The following ODAD2 variants were observed in gnomAD, a reference collection of about 807,000 sequenced individuals.
ODAD2 encodes the protein outer dynein arm docking complex subunit 2.
Under a neutral mutation model 106.8 loss-of-function variants are expected in ODAD2, and 89 were observed. The ratio of observed to expected loss-of-function variants is 0.83; its 90% CI spans 0.70 to 0.99. The LOEUF (loss-of-function observed/expected upper bound fraction) is 0.99. Among genes scored for constraint, ODAD2 ranks in the 50% least tolerant of loss-of-function variants. ODAD2 has a pLI of 0.00. For missense variants in ODAD2, 1,168 were observed against 1,238.5 expected (o/e 0.94, Z 0.85); for synonymous variants, 404 against 436.2 (o/e 0.93, Z 0.92).
At chr10:27,962,742 C>T (rs1174254402) in intron 9 of ODAD2, among the ~76,000 whole-genome samples, 2 of 152,110 alleles carry the variant, frequency 1.3e-5, no homozygotes, top group African/African-American at 4.8e-5. Flanking sequence ...CATGCACACG[C>T]ACACTCATCA....
intron 17 of ODAD2, among the ~76,000 whole-genome samples, chr10:27,878,543 A>C (rs889039346): frequency 6.6e-6 from 1 of 152,184 alleles, no homozygotes; most frequent in African/African-American, 2.4e-5. Flanking sequence ...AAAAATTTTT[A>C]ACCAGAAGAG....
At position 27,935,000 on chromosome 10, in the gene ODAD2, G is replaced by A. The variant is rs1156684222; in HGVS notation, c.2495+10C>T. On this transcript the variant is annotated intron_variant, in intron 16 of 19. Transcript: ENST00000305242. ...TTATATAAAATCTTTCCATCTCCAG[G>A]GCCACTTACATCATACTTTCAGGTT... is the stretch of plus-strand genomic sequence containing the variant. The A allele has an allele frequency of 1.2e-6, 2 of 1,613,472 alleles. No homozygotes were observed. The highest frequency in any genetic ancestry group is 2.2e-5 in the East Asian group (1 of 44,860).
At chr10:27,936,908 C>T in intron 14 of ODAD2, 28 bp from the exon 15 acceptor site, 3 of 1,574,480 alleles carry the variant, frequency 1.9e-6, no homozygotes, top group Non-Finnish European at 2.6e-6. Context: ...CAGAGGCTGT[C>T]AGTCATCAAG....
Position 27,947,137 on chromosome 10 carries a change from A to G in ODAD2, c.1387-2175T>C, listed in dbSNP as rs376192907. Among the ~76,000 whole-genome samples the G allele has an allele frequency of 4.9e-4, 74 of 152,282 alleles. No individual in the cohort carries two copies. The East Asian group carries it at 7.5e-3, about 15-fold the overall frequency. Reference sequence around the variant, plus strand: ...ATCAAGGAGAAAAGTTACCGCCACCAATACCACCAATTTTCGTACAGTTGG... The same window carrying G: ...ATCAAGGAGAAAAGTTACCGCCACCGATACCACCAATTTTCGTACAGTTGG... On this transcript the variant is annotated intron_variant, in intron 10 of 19. Transcript: ENST00000305242.
At chr10:27,895,630 T>C (rs563313232) in intron 17 of ODAD2, among the ~76,000 whole-genome samples, 109 of 152,340 alleles carry the variant, frequency 7.2e-4, no homozygotes, top group South Asian at 3.7e-3. Context: ...AATTCAGTTA[T>C]TTGGCCCTAC....
At chr10:27,819,628 T>C (rs1295974978) in intron 19 of ODAD2, among the ~76,000 whole-genome samples, 1 of 140,404 alleles carries the variant, frequency 7.1e-6, no homozygotes, top group Admixed American at 7.1e-5. Context: ...TGTGGTCACG[T>C]GCGCCTGTAG....
chr10:27,855,473 G>A (rs961389599), intron 19 of ODAD2, among the ~76,000 whole-genome samples: 4 of 152,118 alleles, frequency 2.6e-5, no homozygotes, highest in Non-Finnish European at 5.9e-5. Flanking sequence ...TCCAAGGAAT[G>A]TCTGGAATGG....
chr10:27,867,342 T>G (rs1201928901), intron 17 of ODAD2, among the ~76,000 whole-genome samples: 2 of 152,178 alleles, frequency 1.3e-5, no homozygotes, highest in Non-Finnish European at 2.9e-5. Flanking sequence ...CCACAAAGTC[T>G]GATGGTGCTG....
chr10:27,957,529 T>C (rs1847820514), intron 10 of ODAD2: 1 of 152,200 alleles, frequency 6.6e-6, no homozygotes, highest in Non-Finnish European at 1.5e-5. Flanking sequence ...ATCAGTAAGG[T>C]AGCTGAAAAG....
intron 17 of ODAD2, among the ~76,000 whole-genome samples, chr10:27,889,004 A>T (rs1392963462): frequency 1.3e-5 from 2 of 152,212 alleles, no homozygotes; most frequent in African/African-American, 2.4e-5. Context: ...AGTTCTAAGC[A>T]TGTTGAGTTT....
At chr10:27,972,303 G>A (rs1848915218) in intron 7 of ODAD2, among the ~76,000 whole-genome samples, 1 of 151,986 alleles carries the variant, frequency 6.6e-6, no homozygotes, top group Non-Finnish European at 1.5e-5. Context: ...TAAACCAATA[G>A]CATAAATAAA....
chr10:27,821,916 A>G (rs1836645101), intron 19 of ODAD2, among the ~76,000 whole-genome samples: 1 of 152,204 alleles, frequency 6.6e-6, no homozygotes, highest in Non-Finnish European at 1.5e-5. Flanking sequence ...CTTTAAATTT[A>G]TTGGGAGTTT....
chr10:27,929,936 A>C (rs1453315913), intron 16 of ODAD2, among the ~76,000 whole-genome samples: 2 of 152,166 alleles, frequency 1.3e-5, no homozygotes, highest in Non-Finnish European at 2.9e-5. Flanking sequence ...GACTCACAGC[A>C]AAGTTTTCTT....
chr10:27,952,988 A>G (rs1000166134), intron 10 of ODAD2, among the ~76,000 whole-genome samples: 16 of 152,122 alleles, frequency 1.1e-4, no homozygotes, highest in Non-Finnish European at 2.1e-4. Context: ...TTTGTTTTAG[A>G]CAGCTTTATT....
chr10:27,981,392 T>C, intron 7 of ODAD2, 74 bp downstream of exon 7: 1 of 1,368,994 alleles, frequency 7.3e-7, no homozygotes, highest in Non-Finnish European at 9.5e-7. Context: ...AAATTACTGT[T>C]TTTCTTGTAC....
At chr10:27,963,100 C>G (rs186030758) in intron 9 of ODAD2, among the ~76,000 whole-genome samples, 2 of 151,764 alleles carry the variant, frequency 1.3e-5, no homozygotes, top group African/African-American at 2.4e-5. Context: ...CTCCGCCTGC[C>G]GGGTTCATGT....
chr10:27,821,476 C>T (rs932615715), intron 19 of ODAD2, among the ~76,000 whole-genome samples: 2 of 152,120 alleles, frequency 1.3e-5, no homozygotes, highest in East Asian at 1.9e-4. Flanking sequence ...CATTTTCCTA[C>T]GAGCCTCACA....
In ODAD2 at chr10:27,995,054, A is replaced by G. The variant is rs1235698100; in HGVS notation, c.89T>C (p.Ile30Thr). 5 of 1,614,130 alleles carry G rather than the reference A, an allele frequency of 3.1e-6. No homozygotes were observed. In the African/African-American group the frequency reaches 4.0e-5, roughly 13 times the overall value. Reference sequence around the variant, plus strand: ...CACAAACACAATAATTTCTTTCAATATCGCTTCATTTAGAGGGGTGATTTC... The same window carrying G: ...CACAAACACAATAATTTCTTTCAATGTCGCTTCATTTAGAGGGGTGATTTC... Reference protein sequence around the residue: ...ILEITPLNEAILKEIIVFVES... With the variant: ...ILEITPLNEATLKEIIVFVES... Residue 30 changes from isoleucine (I) to threonine (T), a missense_variant, in exon 2 of 20, where the codon ATA becomes ACA. Ile to Thr is a moderately conservative substitution (Grantham distance 89). Coordinates refer to ENST00000305242, the MANE Select transcript of ODAD2 (RefSeq NM_018076.5).
At chr10:27,843,315 G>C (rs1165790517) in intron 19 of ODAD2, among the ~76,000 whole-genome samples, 1 of 152,190 alleles carries the variant, frequency 6.6e-6, no homozygotes, top group Non-Finnish European at 1.5e-5. Context: ...CAATAGTAAT[G>C]TACAAACCAT....
Sources: gnomAD v4.1 joint callset for allele counts (sites outside exome capture counted in the v4.1 genomes callset) on GRCh38, gnomAD v4.1.1 for gene constraint, MANE v1.5 for transcripts, NCBI Gene and HGNC (gene_info 2026-07-23, HGNC 2026-07-21) for gene names.